GALNTL6: variants seen among roughly 807,000 people sequenced by gnomAD.
GALNTL6 encodes the protein polypeptide N-acetylgalactosaminyltransferase-like 6.
In GALNTL6, 46 loss-of-function variants were observed where a neutral mutation model predicts 73.7. That is an observed-to-expected ratio of 0.62 (90% CI 0.49 to 0.80). The LOEUF is 0.80. Among genes scored for constraint, GALNTL6 ranks in the 30% least tolerant of loss-of-function variants. The pLI is 0.00. For synonymous variants in GALNTL6, 259 were observed against 263.7 expected, an observed-to-expected ratio of 0.98 and a Z score of 0.17; for missense variants, 604 against 755.0, an observed-to-expected ratio of 0.80 and a Z score of 2.34.
At chr4:172,096,085 T>G (rs796406651) in intron 2 of GALNTL6, among the ~76,000 whole-genome samples, 4 of 3,532 alleles carry the variant, frequency 1.1e-3, no homozygotes, top group Non-Finnish European at 0.014. Flanking sequence ...TCTCTCTTTC[T>G]GTGTGTGTGT....
intron 2 of GALNTL6, among the ~76,000 whole-genome samples, chr4:171,933,662 CAA>C (rs889209257): frequency 6.6e-6 from 1 of 152,060 alleles, no homozygotes; most frequent in Non-Finnish European, 1.5e-5. Flanking sequence ...AGACAGTTAA[CAA>C]ACGATTATGA....
chr4:172,756,577 C>T (rs1042465344), intron 5 of GALNTL6, among the ~76,000 whole-genome samples: 7 of 151,556 alleles, frequency 4.6e-5, no homozygotes, highest in African/African-American at 1.7e-4. Flanking sequence ...CCCAGAAGGC[C>T]GAAGTTGCAG....
chr4:171,989,782 C>T (rs180859543), intron 2 of GALNTL6, among the ~76,000 whole-genome samples: 8 of 152,236 alleles, frequency 5.3e-5, no homozygotes, highest in African/African-American at 1.4e-4. Context: ...GAGAATAAGA[C>T]GGCCTTTTGA....
intron 5 of GALNTL6, among the ~76,000 whole-genome samples, chr4:172,431,860 T>G (rs926092291): frequency 9.9e-5 from 15 of 152,260 alleles, no homozygotes; most frequent in African/African-American, 3.6e-4. Flanking sequence ...TATTTACATC[T>G]ATGTAAAGTT....
At chr4:172,638,369 C>A (rs909512466) in intron 5 of GALNTL6, among the ~76,000 whole-genome samples, 1 of 152,178 alleles carries the variant, frequency 6.6e-6, no homozygotes, top group Middle Eastern at 3.4e-3. Flanking sequence ...ATTGGTAAAG[C>A]CCCTCCCAGG....
intron 2 of GALNTL6, among the ~76,000 whole-genome samples, chr4:172,219,144 T>A (rs1736589775): frequency 6.9e-6 from 1 of 145,162 alleles, no homozygotes; most frequent in Non-Finnish European, 1.5e-5. Flanking sequence ...TTAAAATGGA[T>A]AGATTAATTG....
chr4:172,221,457 T>C lies in GALNTL6; in HGVS notation c.139-8199T>C, dbSNP rs557912683. On this transcript the variant is annotated intron_variant, in intron 2 of 12. Transcript: ENST00000506823. ...AACCATCAACAAGGGGATGGATGAT[T>C]CTGGAAGGTTAATATAATATGTGCC... Among the ~76,000 whole-genome samples the C allele has an allele frequency of 3.6e-3, 550 of 151,928 alleles. 1 individual carries two copies. The highest frequency in any genetic ancestry group is 0.012 in the African/African-American group (519 of 41,526).
intron 2 of GALNTL6, among the ~76,000 whole-genome samples, chr4:172,184,495 T>G (rs545710934): frequency 1.6e-3 from 246 of 152,334 alleles, no homozygotes; most frequent in African/African-American, 5.6e-3. Context: ...AGTAAAATCA[T>G]CCTTTTTGAT....
At chr4:172,924,730 T>A (rs1201119655) in intron 8 of GALNTL6, among the ~76,000 whole-genome samples, 1 of 152,126 alleles carries the variant, frequency 6.6e-6, no homozygotes, top group African/African-American at 2.4e-5. Flanking sequence ...AGGTAGTGAC[T>A]GAGAGACAAG....
intron 5 of GALNTL6, among the ~76,000 whole-genome samples, chr4:172,689,654 A>G (rs1474403271): frequency 6.6e-6 from 1 of 152,150 alleles, no homozygotes; most frequent in African/African-American, 2.4e-5. Flanking sequence ...TCTGTGGGGT[A>G]TGTGCCCAGT....
At chr4:172,478,954 AC>A (rs941710831) in intron 5 of GALNTL6, among the ~76,000 whole-genome samples, 10 of 152,248 alleles carry the variant, frequency 6.6e-5, no homozygotes, top group African/African-American at 2.4e-4. Flanking sequence ...AATTAAAACC[AC>A]AGTGAGATAC....
chr4:172,265,909 A>G (rs1446391414), intron 3 of GALNTL6, among the ~76,000 whole-genome samples: 1 of 152,116 alleles, frequency 6.6e-6, no homozygotes, highest in Non-Finnish European at 1.5e-5. Flanking sequence ...AGTTTGATAT[A>G]TAAAGAAACC....
At chr4:172,872,073 G>A (rs1229699966) in intron 7 of GALNTL6, among the ~76,000 whole-genome samples, 3 of 152,150 alleles carry the variant, frequency 2.0e-5, no homozygotes, top group East Asian at 1.9e-4. Flanking sequence ...GATTACAGGC[G>A]TGAGCCACTG....
chr4:172,181,944 C>T (rs1579223765), intron 2 of GALNTL6, among the ~76,000 whole-genome samples: 1 of 152,078 alleles, frequency 6.6e-6, no homozygotes, highest in African/African-American at 2.4e-5. Flanking sequence ...GTCTCTATCT[C>T]CTGACCTCAT....
At chr4:172,530,855 A>C (rs1327217752) in intron 5 of GALNTL6, among the ~76,000 whole-genome samples, 2 of 152,174 alleles carry the variant, frequency 1.3e-5, no homozygotes, top group African/African-American at 4.8e-5. Context: ...GTCAAAGGAA[A>C]ATAAGATGTC....
chr4:172,498,241 A>C (rs951544086), intron 5 of GALNTL6, among the ~76,000 whole-genome samples: 3 of 151,552 alleles, frequency 2.0e-5, no homozygotes, highest in African/African-American at 7.3e-5. Context: ...ATCTGCCTCA[A>C]CCTCCCAAAG....
intron 2 of GALNTL6, among the ~76,000 whole-genome samples, chr4:171,879,354 C>G (rs1316939833): frequency 6.6e-6 from 1 of 152,068 alleles, no homozygotes; most frequent in East Asian, 1.9e-4. Context: ...GGTTCTTATC[C>G]TTACTATTGT....
In GALNTL6 at chr4:172,739,392, G is replaced by T. The variant is rs555118213; in HGVS notation, c.554-69969G>T. Reference sequence around the variant, plus strand: ...AAGTTCATGCTCATTTGTTTGCAGGGTCTCATCAGGGTGTAGGAAGATAGG... The same window carrying T: ...AAGTTCATGCTCATTTGTTTGCAGGTTCTCATCAGGGTGTAGGAAGATAGG... On this transcript the variant is annotated intron_variant, in intron 5 of 12. Coordinates refer to ENST00000506823, the MANE Select transcript of GALNTL6 (RefSeq NM_001034845.3). 5.3e-5 allele frequency among the ~76,000 whole-genome samples: 8 copies of T among 152,250 alleles called. No individual in the cohort carries two copies. In the East Asian group the frequency reaches 1.3e-3, roughly 26 times the overall value.
intron 5 of GALNTL6, among the ~76,000 whole-genome samples, chr4:172,705,375 C>T (rs1257496083): frequency 6.0e-5 from 9 of 150,994 alleles, no homozygotes; most frequent in Non-Finnish European, 1.3e-4. Flanking sequence ...GTATATAAAA[C>T]ATTTATGTTT....
Sources: allele counts gnomAD v4.1 joint callset (sites outside exome capture counted in the v4.1 genomes callset), GRCh38; gene constraint gnomAD v4.1.1; transcripts MANE v1.5; gene names NCBI Gene and HGNC (gene_info 2026-07-23, HGNC 2026-07-21).